FHIT: variants seen among roughly 807,000 people sequenced by gnomAD.
FHIT encodes bis(5'-adenosyl)-triphosphatase.
In FHIT, 19 loss-of-function variants were observed where a neutral mutation model predicts 17.9. That is an observed-to-expected ratio of 1.06 (90% confidence interval 0.74 to 1.56). The LOEUF is 1.56. Ranked by LOEUF, FHIT falls within the 40% of genes most tolerant of loss-of-function variation. The probability of loss-of-function intolerance (pLI) is 0.00; values close to 1 mark genes in which losing one functional copy is unlikely to be tolerated. For missense variants in FHIT, 248 were observed against 189.2 expected, an observed-to-expected ratio of 1.31 and a Z score of -1.82; for synonymous variants, 81 against 69.7, an observed-to-expected ratio of 1.16 and a Z score of -0.81.
chr3:59,939,946 T>C (rs3772454), intron 7 of FHIT, among the ~76,000 whole-genome samples: 9,841 of 152,204 alleles, frequency 0.065, 360 homozygotes, highest in African/African-American at 0.094. Flanking sequence ...ACAGCAAGCA[T>C]AGCTTTCACT....
intron 1 of FHIT, among the ~76,000 whole-genome samples, chr3:61,209,790 C>G (rs1448602498): frequency 2.0e-5 from 3 of 152,182 alleles, no homozygotes; most frequent in African/African-American, 7.2e-5. Flanking sequence ...GTTTGATCAT[C>G]TGAAGCCTTC....
chr3:61,100,229 G>A (rs536858440), intron 2 of FHIT, among the ~76,000 whole-genome samples: 2 of 152,164 alleles, frequency 1.3e-5, no homozygotes, highest in South Asian at 4.2e-4. Flanking sequence ...CCCCCCGACA[G>A]GACCCAGTGT....
intron 5 of FHIT, among the ~76,000 whole-genome samples, chr3:60,057,328 C>G (rs958537065): frequency 6.6e-6 from 1 of 152,038 alleles, no homozygotes; most frequent in Non-Finnish European, 1.5e-5. Flanking sequence ...GAATGTGAAC[C>G]CTGCCTGGTC....
intron 4 of FHIT, among the ~76,000 whole-genome samples, chr3:60,561,869 C>A (rs1447958): frequency 0.84 from 127,342 of 151,374 alleles, 54,038 homozygotes; most frequent in African/African-American, 0.95. Flanking sequence ...TGCCCAGACT[C>A]TGGGAATCTG....
intron 3 of FHIT, among the ~76,000 whole-genome samples, chr3:60,942,281 C>T (rs1453092631): frequency 6.6e-6 from 1 of 152,138 alleles, no homozygotes; most frequent in Non-Finnish European, 1.5e-5. Context: ...TAAAAGTATA[C>T]AGTAGGTATC....
chr3:60,840,824 A>G (rs1702703586), intron 3 of FHIT, among the ~76,000 whole-genome samples: 1 of 152,234 alleles, frequency 6.6e-6, no homozygotes. Flanking sequence ...TGCCCATATC[A>G]TGACATGACT....
chr3:60,039,241 G>C (rs1335503932), intron 5 of FHIT, among the ~76,000 whole-genome samples: 1 of 152,106 alleles, frequency 6.6e-6, no homozygotes, highest in Non-Finnish European at 1.5e-5. Flanking sequence ...AGAAAACCAA[G>C]AAAAGCCAAA....
intron 5 of FHIT, among the ~76,000 whole-genome samples, chr3:60,147,988 C>CCTCACAGGGGTTTA (rs1700311840): frequency 6.6e-6 from 1 of 152,110 alleles, no homozygotes; most frequent in East Asian, 1.9e-4. Flanking sequence ...GAAGGGGTTT[C>CCTCACAGGGGTTTA]CTCACAGGGG....
intron 5 of FHIT, among the ~76,000 whole-genome samples, chr3:60,282,072 G>T (rs1472206023): frequency 6.6e-6 from 1 of 152,090 alleles, no homozygotes; most frequent in Non-Finnish European, 1.5e-5. Context: ...ATGGTAAAAT[G>T]GTATAGCCAC....
In FHIT at chr3:60,481,587, C is replaced by A. The variant is rs147192466; in HGVS notation, c.103+55273G>T. ...ATCCAGCCAAACTAAACTTCATAAGCATAAGAGAAATAAAATCCTTTCCAG... is the reference window on the plus strand; with the variant it reads ...ATCCAGCCAAACTAAACTTCATAAGAATAAGAGAAATAAAATCCTTTCCAG... On this transcript the variant is annotated intron_variant, in intron 5 of 9. Coordinates refer to ENST00000492590, the MANE Select transcript of FHIT (RefSeq NM_002012.4). 2.1e-3 allele frequency among the ~76,000 whole-genome samples: 322 copies of A among 152,196 alleles called. 2 individuals are homozygous for A. The highest frequency in any genetic ancestry group is 7.5e-3 in the African/African-American group (312 of 41,538).
At chr3:61,054,895 T>C (rs2034161372) in intron 2 of FHIT, among the ~76,000 whole-genome samples, 1 of 152,158 alleles carries the variant, frequency 6.6e-6, no homozygotes, top group Non-Finnish European at 1.5e-5. Context: ...CATTCTTACT[T>C]TTCAGACCCC....
chr3:60,539,918 T>C (rs2036127570), intron 4 of FHIT, among the ~76,000 whole-genome samples: 1 of 151,520 alleles, frequency 6.6e-6, no homozygotes, highest in Admixed American at 6.6e-5. Flanking sequence ...TGTGCACATG[T>C]ACCCTAGAAC....
intron 4 of FHIT, among the ~76,000 whole-genome samples, chr3:60,609,822 T>C (rs2038730555): frequency 6.6e-6 from 1 of 152,148 alleles, no homozygotes; most frequent in African/African-American, 2.4e-5. Flanking sequence ...CTTCTATCAA[T>C]CCGGAGTTCC....
chr3:61,192,456 A>C (rs2038744220), intron 2 of FHIT, among the ~76,000 whole-genome samples: 1 of 152,228 alleles, frequency 6.6e-6, no homozygotes, highest in African/African-American at 2.4e-5. Flanking sequence ...AGTGGATTGC[A>C]GTTAGATTCC....
At chr3:60,676,030 A>G (rs2040614746) in intron 4 of FHIT, among the ~76,000 whole-genome samples, 1 of 152,224 alleles carries the variant, frequency 6.6e-6, no homozygotes, top group Admixed American at 6.5e-5. Flanking sequence ...ACGTATATCA[A>G]TCTTCTAAGA....
chr3:61,182,886 AT>A, intron 2 of FHIT, among the ~76,000 whole-genome samples: 1 of 152,304 alleles, frequency 6.6e-6, no homozygotes, highest in Middle Eastern at 3.4e-3. Flanking sequence ...GTACTGTTTG[AT>A]TTGAAGGCCC....
chr3:61,114,567 A>G (rs1023693005), intron 2 of FHIT, among the ~76,000 whole-genome samples: 7 of 152,176 alleles, frequency 4.6e-5, no homozygotes, highest in Non-Finnish European at 8.8e-5. Context: ...CAGAGGGGAA[A>G]AAAAAACAAT....
chr3:60,618,500 T>C (rs1553676845), intron 4 of FHIT, among the ~76,000 whole-genome samples: 1 of 152,180 alleles, frequency 6.6e-6, no homozygotes, highest in African/African-American at 2.4e-5. Flanking sequence ...GTGCTCATTA[T>C]TCAGCTCCCT....
rs577175191 is a variant in FHIT, at chr3:61,214,685, C to G, written c.-212-14020G>C. 5.0e-3 allele frequency among the ~76,000 whole-genome samples: 763 copies of G among 152,290 alleles called. 8 individuals carry two copies. Among genetic ancestry groups the G allele is most frequent in the African/African-American group, 0.018 (732 of 41,554 alleles). ...GGCCAGCATCATCCTGATACCAAAG[C>G]CTGGCAGAGACACAACCAAAAGAGA... On this transcript the variant is annotated intron_variant, in intron 1 of 9. Coordinates refer to ENST00000492590, the MANE Select transcript of FHIT (RefSeq NM_002012.4).
Sources: gnomAD v4.1 joint callset for allele counts (sites outside exome capture counted in the v4.1 genomes callset) on GRCh38, gnomAD v4.1.1 for gene constraint, MANE v1.5 for transcripts, NCBI Gene and HGNC (gene_info 2026-07-23, HGNC 2026-07-21) for gene names.